NOL4L: variants seen among roughly 807,000 people sequenced by gnomAD.
NOL4L encodes the protein nucleolar protein 4-like.
A neutral mutation model predicts 64.5 loss-of-function variants in NOL4L; 7 were observed. That is an observed-to-expected ratio of 0.11 (90% CI 0.06 to 0.20). The LOEUF is 0.20. Among genes scored for constraint, NOL4L ranks in the 10% least tolerant of loss-of-function variants. The probability of loss-of-function intolerance (pLI) is 1.00; values close to 1 mark genes in which losing one functional copy is unlikely to be tolerated. For synonymous variants in NOL4L, 413 were observed against 401.0 expected (o/e 1.03, Z -0.36); for missense variants, 680 against 967.1 (o/e 0.70, Z 3.94).
chr20:32,453,070 C>A lies in NOL4L; in HGVS notation c.1498-64G>T, dbSNP rs2013097956. On this transcript the variant is annotated intron_variant, in intron 8 of 10. Transcript: ENST00000621426. This position sits in a 1 kb window ranked among gnomAD's most constrained non-coding sequence, Gnocchi z 5.6. ...TGGGGGCCCTGGGCTTGTGCAGAGA[C>A]CCTGCCCCAGGGGTGGGTGGCACAG... 3.1e-6 allele frequency: 5 copies of A among 1,599,260 alleles called. No individual in the cohort carries two copies. Among genetic ancestry groups the A allele is most frequent in the South Asian group, 1.1e-5 (1 of 90,632 alleles).
At chr20:32,482,775 G>T (rs1477660747) in intron 4 of NOL4L, among the ~76,000 whole-genome samples, 3 of 151,244 alleles carry the variant, frequency 2.0e-5, no homozygotes, top group Admixed American at 6.6e-5. Flanking sequence ...TCAACTCCCC[G>T]CGCCGCGCCG....
intron 4 of NOL4L, among the ~76,000 whole-genome samples, chr20:32,505,014 G>A (rs1227503229): frequency 6.6e-6 from 1 of 152,202 alleles, no homozygotes; most frequent in Non-Finnish European, 1.5e-5. Flanking sequence ...CTGGGCTGCA[G>A]GGCAGCCTGA....
rs2014405064 is a variant in NOL4L at position 32,464,837 on chromosome 20, C to T, written c.842-8442G>A. The T allele has an allele frequency of 2.4e-6, 1 of 412,596 alleles. No individual in the cohort carries two copies. Among genetic ancestry groups the T allele is most frequent in the Non-Finnish European group, 4.4e-6 (1 of 228,526 alleles). The allele number at this position is 412,596 out of a possible 1,614,324, so 25.6% of individuals were successfully genotyped here. On this transcript the variant is annotated intron_variant, in intron 5 of 10. Transcript: ENST00000621426. This position sits in a 1 kb window ranked among gnomAD's most constrained non-coding sequence, Gnocchi z 5.6. ...TATATCCAAAATAGTACCATTTCAA[C>T]AAATAATTGATACCGTGTTATCAGA...
chr20:32,536,362 A>C, intron 1 of NOL4L: 2 of 973,224 alleles, frequency 2.1e-6, no homozygotes, highest in Non-Finnish European at 1.2e-6. Context: ...TGCGGGCCCC[A>C]CCCAGGGCCG....
intron 1 of NOL4L, chr20:32,535,882 T>G (rs1175264210): frequency 1.0e-6 from 1 of 985,240 alleles, no homozygotes; most frequent in African/African-American, 1.7e-5. Context: ...GGAGGAGTAC[T>G]GTCCAGCATC....
intron 5 of NOL4L, among the ~76,000 whole-genome samples, chr20:32,468,630 G>A (rs2014749509): frequency 6.6e-6 from 1 of 152,184 alleles, no homozygotes; most frequent in African/African-American, 2.4e-5. Context: ...GCCAAGCACG[G>A]TGGCTCACGC....
At chr20:32,563,969 C>G (rs1395865759) in intron 1 of NOL4L, among the ~76,000 whole-genome samples, 2 of 152,228 alleles carry the variant, frequency 1.3e-5, no homozygotes, top group Non-Finnish European at 2.9e-5. Flanking sequence ...TGGAGCAATT[C>G]TCCCAGGAAA....
chr20:32,501,875 C>A (rs1018657855), intron 4 of NOL4L, among the ~76,000 whole-genome samples: 2 of 152,028 alleles, frequency 1.3e-5, no homozygotes, highest in Non-Finnish European at 2.9e-5. Context: ...GAAAAGGAGG[C>A]AATGACTAAC....
rs757395099 is a variant in NOL4L at position 32,453,720 on chromosome 20, G to T, written c.1161C>A (p.Thr387=). 4 of 1,556,934 alleles carry T rather than the reference G, an allele frequency of 2.6e-6. No homozygotes were observed. In the African/African-American group the frequency reaches 5.4e-5, roughly 21 times the overall value. The change falls in exon 7 of 11, where the codon ACC becomes ACA. Residue 387 remains threonine (T), a synonymous_variant. Transcript: ENST00000621426. The surrounding 1 kb of genome is among the most constrained non-coding windows in gnomAD (Gnocchi z 5.6). Reference sequence around the variant, plus strand: ...GGTCCTCAGGGCAGCCGCTGACCTCGGTCTTGATGGAATCGTAGCTCCCAG... The same window carrying T: ...GGTCCTCAGGGCAGCCGCTGACCTCTGTCTTGATGGAATCGTAGCTCCCAG... ...YSSGSYDSIK[T]EVSGCPEDLT...
At chr20:32,477,547 G>A (rs886457942) in intron 4 of NOL4L, among the ~76,000 whole-genome samples, 3 of 152,212 alleles carry the variant, frequency 2.0e-5, no homozygotes, top group Admixed American at 6.5e-5. Context: ...TCTGAATCCC[G>A]CACAAGGCAG....
intron 4 of NOL4L, among the ~76,000 whole-genome samples, chr20:32,492,248 C>G (rs564613759): frequency 6.6e-6 from 1 of 152,330 alleles, no homozygotes; most frequent in East Asian, 1.9e-4. Flanking sequence ...ATTACTCAGC[C>G]ATAAAAAGAA....
intron 4 of NOL4L, among the ~76,000 whole-genome samples, chr20:32,505,039 G>T (rs753401477): frequency 8.5e-5 from 13 of 152,194 alleles, no homozygotes; most frequent in Non-Finnish European, 1.8e-4. Context: ...GGAAAGAAGG[G>T]AATCATCACT....
intron 1 of NOL4L, among the ~76,000 whole-genome samples, chr20:32,552,223 T>C (rs569240395): frequency 2.1e-4 from 32 of 152,102 alleles, no homozygotes; most frequent in African/African-American, 6.7e-4. Flanking sequence ...AACCCAGAAA[T>C]AGATATGCAT....
Position 32,515,685 on chromosome 20 carries a change from G to A in NOL4L, c.590-4229C>T, listed in dbSNP as rs1392176220. 4.6e-5 allele frequency among the ~76,000 whole-genome samples: 7 copies of A among 152,208 alleles called. No homozygotes were observed. The East Asian group carries it at 5.8e-4, about 13-fold the overall frequency. The stretch of plus-strand genomic sequence containing the variant: ...GTGGGTTCCTTGGACTCTGAGACAC[G>A]CCGCCCCCCTCCCTGCCCATGGTCA... On this transcript the variant is annotated intron_variant, in intron 3 of 10. Coordinates refer to ENST00000621426, the MANE Select transcript of NOL4L (RefSeq NM_001256798.2).
At chr20:32,558,458 A>G (rs1034981095) in intron 1 of NOL4L, among the ~76,000 whole-genome samples, 18 of 152,250 alleles carry the variant, frequency 1.2e-4, no homozygotes, top group African/African-American at 4.1e-4. Context: ...AAGGGGCCCC[A>G]GCACCCTGAA....
chr20:32,554,954 A>C (rs1261163579), intron 1 of NOL4L, among the ~76,000 whole-genome samples: 1 of 152,212 alleles, frequency 6.6e-6, no homozygotes, highest in Non-Finnish European at 1.5e-5. Context: ...CCCAATGAGG[A>C]AACCAAGGAC....
At chr20:32,478,691 C>A (rs2015551101) in intron 4 of NOL4L, among the ~76,000 whole-genome samples, 1 of 152,150 alleles carries the variant, frequency 6.6e-6, no homozygotes, top group African/African-American at 2.4e-5. Context: ...CAGCCTCGAC[C>A]CCCCAGGCTC....
chr20:32,551,595 A>C (rs1182043238), intron 1 of NOL4L, among the ~76,000 whole-genome samples: 1 of 152,108 alleles, frequency 6.6e-6, no homozygotes, highest in African/African-American at 2.4e-5. Context: ...CTTATAGGAA[A>C]TGTCCAGAAA....
intron 4 of NOL4L, chr20:32,474,996 C>A (rs2015292734): frequency 1.0e-6 from 1 of 985,306 alleles, no homozygotes; most frequent in African/African-American, 1.7e-5. Flanking sequence ...TGAGGTCTCG[C>A]ATCCTGCAGG....
Sources: allele counts gnomAD v4.1 joint callset (sites outside exome capture counted in the v4.1 genomes callset), GRCh38; gene constraint gnomAD v4.1.1; non-coding constraint Gnocchi (gnomAD v3.1); transcripts MANE v1.5; gene names NCBI Gene and HGNC (gene_info 2026-07-23, HGNC 2026-07-21).